ANK3: variants seen among roughly 807,000 people sequenced by gnomAD.
ANK3 encodes ankyrin 3.
ANK3 carries 57 observed loss-of-function variants against 370.9 expected under a neutral mutation model. The ratio of observed to expected loss-of-function variants is 0.15; its 90% confidence interval spans 0.12 to 0.19. The LOEUF (loss-of-function observed/expected upper bound fraction) is 0.19. ANK3 is among the 10% of genes least tolerant of loss of function. The probability of loss-of-function intolerance (pLI) is 1.00; values close to 1 mark genes in which losing one functional copy is unlikely to be tolerated. For synonymous variants in ANK3, 1,929 were observed against 1,946.3 expected (o/e 0.99, Z 0.23); for missense variants, 4,439 against 5,302.1 (o/e 0.84, Z 5.06).
intron 1 of ANK3, among the ~76,000 whole-genome samples, chr10:60,639,907 GA>G (rs34187293): frequency 6.6e-6 from 1 of 151,690 alleles, no homozygotes; most frequent in Non-Finnish European, 1.5e-5. Flanking sequence ...CAATGAAAAA[GA>G]AAAAAGTATC....
chr10:60,169,980 T>C (rs1253697198), intron 21 of ANK3, among the ~76,000 whole-genome samples: 1 of 152,198 alleles, frequency 6.6e-6, no homozygotes. Flanking sequence ...TCATCTTATA[T>C]ATTTACTGTG....
chr10:60,052,723 T>C (rs1323529093), intron 42 of ANK3, among the ~76,000 whole-genome samples: 1 of 152,130 alleles, frequency 6.6e-6, no homozygotes, highest in Non-Finnish European at 1.5e-5. Context: ...GGTGGAACTA[T>C]GAAAATAATT....
chr10:60,465,792 T>A (rs2064998419), intron 2 of ANK3, among the ~76,000 whole-genome samples: 1 of 149,188 alleles, frequency 6.7e-6, no homozygotes, highest in Non-Finnish European at 1.5e-5. Flanking sequence ...TTTCTTTCTT[T>A]TTTTTTTTTT....
At chr10:60,139,739 T>G (rs1590704185) in intron 23 of ANK3, 1 of 153,102 alleles carries the variant, frequency 6.5e-6, no homozygotes, top group African/African-American at 2.4e-5. Context: ...AGAGATAATA[T>G]GGGTGCTTTA....
intron 1 of ANK3, among the ~76,000 whole-genome samples, chr10:60,711,576 G>A (rs527767397): frequency 6.6e-6 from 1 of 152,022 alleles, no homozygotes; most frequent in South Asian, 2.1e-4. Context: ...TATTCAAAAA[G>A]TGTGAGACAA....
chr10:60,423,172 A>C (rs2063812629), intron 2 of ANK3, among the ~76,000 whole-genome samples: 1 of 152,098 alleles, frequency 6.6e-6, no homozygotes, highest in Non-Finnish European at 1.5e-5. Context: ...TCTCCCATGA[A>C]TATGTCCTAA....
chr10:60,123,616 C>A (rs1360928097), intron 25 of ANK3, among the ~76,000 whole-genome samples: 1 of 152,162 alleles, frequency 6.6e-6, no homozygotes, highest in African/African-American at 2.4e-5. Context: ...CAGAACTAAC[C>A]CTGCAAGTTT....
At chr10:60,630,852 T>C (rs1246631047) in intron 1 of ANK3, among the ~76,000 whole-genome samples, 1 of 152,014 alleles carries the variant, frequency 6.6e-6, no homozygotes, top group Non-Finnish European at 1.5e-5. Context: ...GTGTGGACAA[T>C]GGATTGCACA....
rs893809074 is a variant in ANK3 at position 60,733,371 on chromosome 10, C to G, written c.-52G>C. The G allele has an allele frequency of 4.9e-6, 6 of 1,223,094 alleles. No individual in the cohort carries two copies. The Admixed American group carries it at 1.7e-4, about 34-fold the overall frequency. The allele number at this position is 1,223,094 out of a possible 1,614,324, so 75.8% of individuals were successfully genotyped here. On this transcript the variant is annotated 5_prime_UTR_variant, in exon 1 of 44. Transcript: ENST00000373827. ...TCCAGGAACTCCAGTCTCTCCTCCC[C>G]GTCCCGCTCCTCGGGCCTCCAAACG...
At chr10:60,464,314 GT>G (rs2064960557) in intron 2 of ANK3, among the ~76,000 whole-genome samples, 1 of 152,018 alleles carries the variant, frequency 6.6e-6, no homozygotes, top group Non-Finnish European at 1.5e-5. Context: ...ATACTTTTAT[GT>G]TTTGCTTTAA....
intron 23 of ANK3, among the ~76,000 whole-genome samples, chr10:60,147,640 C>T (rs933461345): frequency 2.6e-5 from 4 of 152,036 alleles, no homozygotes; most frequent in African/African-American, 7.2e-5. Flanking sequence ...GTGCTGTTCT[C>T]GTGATAGTGA....
chr10:60,572,620 A>G (rs1228738566), intron 2 of ANK3: 13 of 1,502,008 alleles, frequency 8.7e-6, no homozygotes, highest in Non-Finnish European at 9.7e-6. Context: ...CATTGAGACC[A>G]AAGTCCATTT....
intron 1 of ANK3, among the ~76,000 whole-genome samples, chr10:60,676,067 A>C (rs1448583571): frequency 7.2e-5 from 11 of 152,208 alleles, no homozygotes; most frequent in Non-Finnish European, 1.6e-4. Context: ...GGACATTGGA[A>C]ATTATACAAA....
At position 60,469,257 on chromosome 10, in the gene ANK3, A is replaced by G. The variant is rs536527276; in HGVS notation, c.96+145929T>C. Among the ~76,000 whole-genome samples, 37 of 26,848 alleles carry G rather than the reference A, an allele frequency of 1.4e-3. 6 individuals carry two copies. Among genetic ancestry groups the G allele is most frequent in the Non-Finnish European group, 2.0e-3 (27 of 13,758 alleles). 17.6% of individuals were successfully genotyped at this position (26,848 alleles called of 152,430 possible). A position where few individuals can be genotyped will look rare whatever the true frequency, so the allele number is the denominator to read the frequency against. On this transcript the variant is annotated intron_variant, in intron 2 of 43. Transcript: ENST00000373827. ...TATATATACCACTTTTAGTGTGTGT[A>G]TATATATATATATACCATTTTTAGT...
At chr10:60,242,944 C>T (rs1004773683) in intron 7 of ANK3, among the ~76,000 whole-genome samples, 3 of 152,174 alleles carry the variant, frequency 2.0e-5, no homozygotes, top group African/African-American at 7.2e-5. Context: ...TGTCTAACCC[C>T]AAGTTCATAT....
rs192668411 is a variant in ANK3 at position 60,327,213 on chromosome 10, A to G, written c.115-47574T>C. ...ATGACCATCCTTCACTTCTATGCCT[A>G]TTCTTTCGTAGGTTCTTGGGCTACT... On this transcript the variant is annotated intron_variant, in intron 1 of 43. Coordinates refer to ENST00000280772, the MANE Select transcript of ANK3 (RefSeq NM_020987.5). Among the ~76,000 whole-genome samples the G allele has an allele frequency of 5.3e-4, 80 of 152,292 alleles. 1 individual carries two copies. Among genetic ancestry groups the G allele is most frequent in the African/African-American group, 1.9e-3 (79 of 41,564 alleles).
chr10:60,306,801 C>T (rs1248327858), intron 1 of ANK3, among the ~76,000 whole-genome samples: 1 of 152,166 alleles, frequency 6.6e-6, no homozygotes, highest in African/African-American at 2.4e-5. Context: ...GAATTCATAA[C>T]TGTATTCCGT....
At chr10:60,192,450 A>G (rs1179367642) in intron 16 of ANK3, among the ~76,000 whole-genome samples, 1 of 151,204 alleles carries the variant, frequency 6.6e-6, no homozygotes, top group Non-Finnish European at 1.5e-5. Flanking sequence ...TATACAATTT[A>G]TGTGCGTGTA....
rs1567004844 is a variant in ANK3, at chr10:60,395,629, TCTC to T, written c.97-115993_97-115991del. ...CTTTCTCTCTTTCGTTCTCTCTCTC[TCTC>T]TCTCTCTCTCTCTCTCTCTTTCTTT... On this transcript the variant is annotated intron_variant, in intron 2 of 43. Transcript: ENST00000373827. Among the ~76,000 whole-genome samples, 201 of 128,398 alleles carry T rather than the reference TCTC, an allele frequency of 1.6e-3. 2 individuals carry two copies. Among genetic ancestry groups the T allele is most frequent in the Non-Finnish European group, 1.0e-3 (63 of 62,150 alleles). 84.2% of individuals were successfully genotyped at this position (128,398 alleles called of 152,430 possible). A position where few individuals can be genotyped will look rare whatever the true frequency, so the allele number is the denominator to read the frequency against.
Sources: gnomAD v4.1 joint callset for allele counts (sites outside exome capture counted in the v4.1 genomes callset) on GRCh38, gnomAD v4.1.1 for gene constraint, MANE v1.5 for transcripts, NCBI Gene and HGNC (gene_info 2026-07-23, HGNC 2026-07-21) for gene names.